The following AGBL4 variants were observed in gnomAD, a reference collection of about 807,000 sequenced individuals.
The protein encoded by AGBL4 is AGBL carboxypeptidase 4.
A neutral mutation model predicts 66.4 loss-of-function variants in AGBL4; 58 were observed. The observed-to-expected ratio is 0.87, with a 90% confidence interval of 0.71 to 1.09. The LOEUF is 1.09. Among genes scored for constraint, AGBL4 ranks in the 50% least tolerant of loss-of-function variants. The probability of loss-of-function intolerance (pLI) is 0.00; values close to 1 mark genes in which losing one functional copy is unlikely to be tolerated. For synonymous variants in AGBL4, 234 were observed against 222.9 expected (o/e 1.05, Z -0.44); for missense variants, 579 against 631.0 (o/e 0.92, Z 0.88).
intron 4 of AGBL4, among the ~76,000 whole-genome samples, chr1:49,113,481 G>C (rs1645454556): frequency 6.6e-6 from 1 of 151,794 alleles, no homozygotes; most frequent in South Asian, 2.1e-4. Context: ...TTGAACACTT[G>C]ACCTCAGTTG....
chr1:48,641,535 T>G (rs957064800), intron 8 of AGBL4, among the ~76,000 whole-genome samples: 1 of 152,134 alleles, frequency 6.6e-6, no homozygotes, highest in Admixed American at 6.5e-5. Context: ...GGACTTGGGT[T>G]TGAGTCCCAG....
chr1:49,131,383 G>T (rs1173693193), intron 4 of AGBL4, among the ~76,000 whole-genome samples: 1 of 152,042 alleles, frequency 6.6e-6, no homozygotes, highest in Non-Finnish European at 1.5e-5. Flanking sequence ...GAAATTTATT[G>T]TACAGAAATT....
In AGBL4 at chr1:48,663,199, G is replaced by A; in HGVS notation, c.677C>T (p.Thr226Ile). 2 of 1,613,930 alleles carry A rather than the reference G, an allele frequency of 1.2e-6. No individual in the cohort carries two copies. The highest frequency in any genetic ancestry group is 1.7e-6 in the Non-Finnish European group (2 of 1,179,856). The change falls in exon 7 of 14, where the codon ACA (threonine) becomes ATA (isoleucine). Residue 226 changes from threonine (T) to isoleucine (I), a missense_variant. Thr to Ile is a moderately conservative substitution (Grantham distance 89). Coordinates refer to ENST00000371839, the MANE Select transcript of AGBL4 (RefSeq NM_032785.4). ...TGTTTCCCCTGGGTGGACTCGTCCT[G>A]TGATGAATACCACCTTCTGCTCTGC... ...EGAEQKVVFITGRVHPGETPS... is the reference protein window; with the variant it reads ...EGAEQKVVFIIGRVHPGETPS...
intron 6 of AGBL4, among the ~76,000 whole-genome samples, chr1:48,719,116 G>A (rs955060997): frequency 2.6e-5 from 4 of 152,154 alleles, no homozygotes; most frequent in African/African-American, 9.7e-5. Flanking sequence ...TATTAAGGAG[G>A]TGGCTCAGGA....
At chr1:48,536,650 C>T (rs988957843) in intron 12 of AGBL4, among the ~76,000 whole-genome samples, 1 of 152,190 alleles carries the variant, frequency 6.6e-6, no homozygotes, top group Non-Finnish European at 1.5e-5. Flanking sequence ...GTTACACACA[C>T]ATACACACAT....
chr1:49,948,636 G>A (rs976012695), intron 1 of AGBL4, among the ~76,000 whole-genome samples: 1 of 144,392 alleles, frequency 6.9e-6, no homozygotes, highest in Non-Finnish European at 1.5e-5. Context: ...TAACCAAGGA[G>A]GTGAAAGACC....
intron 9 of AGBL4, among the ~76,000 whole-genome samples, chr1:48,610,170 G>A (rs1190784859): frequency 6.6e-6 from 1 of 152,246 alleles, no homozygotes; most frequent in East Asian, 1.9e-4. Flanking sequence ...TGCTGCTGCT[G>A]CTGTAGCCTG....
At chr1:49,662,543 G>A (rs1257779852) in intron 3 of AGBL4, among the ~76,000 whole-genome samples, 1 of 152,136 alleles carries the variant, frequency 6.6e-6, no homozygotes, top group Non-Finnish European at 1.5e-5. Context: ...CCAACATGCT[G>A]TGCCACCTGA....
At chr1:49,138,570 T>A (rs1646058444) in intron 4 of AGBL4, among the ~76,000 whole-genome samples, 1 of 152,112 alleles carries the variant, frequency 6.6e-6, no homozygotes, top group Admixed American at 6.6e-5. Flanking sequence ...ACCTGTAATT[T>A]TGGTTGTCAA....
chr1:49,398,329 CTCTT>C (rs1454871255), intron 3 of AGBL4, among the ~76,000 whole-genome samples: 19 of 101,380 alleles, frequency 1.9e-4, no homozygotes, highest in Non-Finnish European at 3.5e-4. Context: ...CTCCCTCTCT[CTCTT>C]TCTCTCTCTC....
chr1:49,398,643 A>C (rs1224244248), intron 3 of AGBL4, among the ~76,000 whole-genome samples: 1 of 152,138 alleles, frequency 6.6e-6, no homozygotes, highest in Non-Finnish European at 1.5e-5. Context: ...TAAATAGTGC[A>C]ACTTGCCATC....
intron 3 of AGBL4, among the ~76,000 whole-genome samples, chr1:49,445,845 AT>A (rs1364286790): frequency 6.6e-6 from 1 of 151,746 alleles, no homozygotes; most frequent in Admixed American, 6.6e-5. Context: ...TATTTATTTT[AT>A]TTTATTTATT....
At chr1:48,950,183 G>A (rs547026935) in intron 5 of AGBL4, among the ~76,000 whole-genome samples, 11 of 149,578 alleles carry the variant, frequency 7.4e-5, no homozygotes, top group South Asian at 2.1e-4. Context: ...TGCAACCTCC[G>A]CCTCCCAGGC....
At chr1:49,689,895 T>C (rs1447559946) in intron 3 of AGBL4, among the ~76,000 whole-genome samples, 2 of 152,196 alleles carry the variant, frequency 1.3e-5, no homozygotes, top group Non-Finnish European at 2.9e-5. Context: ...GAAGTTCTAC[T>C]GTGAGTAAAA....
At chr1:48,832,179 A>G (rs1646567943) in intron 6 of AGBL4, among the ~76,000 whole-genome samples, 1 of 152,162 alleles carries the variant, frequency 6.6e-6, no homozygotes, top group African/African-American at 2.4e-5. Flanking sequence ...TTGGCACTGA[A>G]GGTGGTTGGG....
At chr1:49,012,443 T>C (rs1662511620) in intron 5 of AGBL4, among the ~76,000 whole-genome samples, 1 of 152,172 alleles carries the variant, frequency 6.6e-6, no homozygotes, top group Non-Finnish European at 1.5e-5. Flanking sequence ...TCTTATATAC[T>C]AGGCACTGTG....
chr1:49,842,352 C>G (rs1646018189), intron 2 of AGBL4: 1 of 556,066 alleles, frequency 1.8e-6, no homozygotes, highest in South Asian at 1.8e-5. Flanking sequence ...GAGCCATGGG[C>G]GGTGGACTCT....
At chr1:48,652,323 C>T (rs1482348284) in intron 8 of AGBL4, among the ~76,000 whole-genome samples, 1 of 152,180 alleles carries the variant, frequency 6.6e-6, no homozygotes, top group Non-Finnish European at 1.5e-5. Context: ...GGAACATGAA[C>T]TGAGTTGCAA....
chr1:49,680,877 C>T (rs570096180), intron 3 of AGBL4, among the ~76,000 whole-genome samples: 1 of 151,544 alleles, frequency 6.6e-6, no homozygotes, highest in African/African-American at 2.4e-5. Flanking sequence ...CCCTGATGTT[C>T]CTGATGCTCT....
Sources: gnomAD v4.1 joint callset for allele counts (sites outside exome capture counted in the v4.1 genomes callset) on GRCh38, gnomAD v4.1.1 for gene constraint, MANE v1.5 for transcripts, NCBI Gene and HGNC (gene_info 2026-07-23, HGNC 2026-07-21) for gene names.